The following CSNK1G3 variants were observed in gnomAD, a reference collection of about 807,000 sequenced individuals.
The protein encoded by CSNK1G3 is casein kinase 1 gamma 3.
In CSNK1G3, 23 loss-of-function variants were observed where a neutral mutation model predicts 64.3. The observed-to-expected ratio is 0.36, with a 90% CI of 0.26 to 0.51. The LOEUF (loss-of-function observed/expected upper bound fraction) is 0.51. CSNK1G3 is among the 20% of genes least tolerant of loss of function. CSNK1G3 has a pLI of 0.96. For synonymous variants in CSNK1G3, 158 were observed against 162.2 expected (o/e 0.97, Z 0.20); for missense variants, 357 against 510.5 (o/e 0.70, Z 2.90).
At chr5:123,533,287 C>T (rs1272240790) in intron 1 of CSNK1G3, among the ~76,000 whole-genome samples, 1 of 151,942 alleles carries the variant, frequency 6.6e-6, no homozygotes, top group Non-Finnish European at 1.5e-5. Flanking sequence ...ATTATTTTAA[C>T]ACTGTCAAGG....
chr5:123,542,921 G>GT (rs200938585), intron 1 of CSNK1G3, among the ~76,000 whole-genome samples: 101 of 130,284 alleles, frequency 7.8e-4, no homozygotes, highest in East Asian at 2.4e-3. Flanking sequence ...GCTATTATTC[G>GT]TTTTTTTTTT....
At chr5:123,611,204 A>G (rs914949675) in intron 12 of CSNK1G3, among the ~76,000 whole-genome samples, 2 of 152,140 alleles carry the variant, frequency 1.3e-5, no homozygotes, top group Admixed American at 6.5e-5. Flanking sequence ...TAAAACATCA[A>G]TTTACTTCCT....
rs182545980 is a variant in CSNK1G3 at position 123,614,022 on chromosome 5, G to A, written c.1218-320G>A. ...TATTGCCTTCCTAATGGCTTCAACA[G>A]TCACATATAAATATCAGGGAGAAAG... On this transcript the variant is annotated intron_variant, in intron 12 of 12. Transcript: ENST00000345990. Among the ~76,000 whole-genome samples the A allele has an allele frequency of 2.3e-4, 35 of 152,242 alleles. No homozygotes were observed. The East Asian group carries it at 6.4e-3, about 28-fold the overall frequency.
chr5:123,542,288 C>T (rs1206633789), intron 1 of CSNK1G3, among the ~76,000 whole-genome samples: 1 of 152,078 alleles, frequency 6.6e-6, no homozygotes, highest in Non-Finnish European at 1.5e-5. Flanking sequence ...AAAACAGTGT[C>T]GTTCCATTTA....
At chr5:123,608,060 G>C (rs553784993) in intron 12 of CSNK1G3, among the ~76,000 whole-genome samples, 3 of 152,126 alleles carry the variant, frequency 2.0e-5, no homozygotes, top group Admixed American at 1.3e-4. Flanking sequence ...CCCCCCAGTA[G>C]GTGGGACTAT....
chr5:123,601,767 C>A (rs190114237), intron 10 of CSNK1G3, among the ~76,000 whole-genome samples: 2 of 151,990 alleles, frequency 1.3e-5, no homozygotes, highest in South Asian at 4.2e-4. Context: ...GGTGGCATCC[C>A]GCTAGCTGTC....
intron 10 of CSNK1G3, among the ~76,000 whole-genome samples, chr5:123,600,952 G>A (rs1312833591): frequency 6.8e-6 from 1 of 147,816 alleles, no homozygotes; most frequent in East Asian, 2.0e-4. Flanking sequence ...TAAGTTTCCT[G>A]TCAAATTGGG....
At chr5:123,570,726 T>C (rs1787924898) in intron 4 of CSNK1G3, among the ~76,000 whole-genome samples, 1 of 152,210 alleles carries the variant, frequency 6.6e-6, no homozygotes, top group Non-Finnish European at 1.5e-5. Flanking sequence ...TAACAAGCTT[T>C]GATCTGGTTT....
At chr5:123,567,427 C>G (rs753050798) in intron 4 of CSNK1G3, among the ~76,000 whole-genome samples, 1 of 151,976 alleles carries the variant, frequency 6.6e-6, no homozygotes, top group Non-Finnish European at 1.5e-5. Context: ...ATAGGGAAAC[C>G]CTGTCTCTAC....
At chr5:123,607,000 TA>T (rs1313041461) in intron 12 of CSNK1G3, among the ~76,000 whole-genome samples, 1 of 152,170 alleles carries the variant, frequency 6.6e-6, no homozygotes. Flanking sequence ...GATCAGAGAA[TA>T]CTTGATGGAG....
intron 1 of CSNK1G3, among the ~76,000 whole-genome samples, chr5:123,538,771 C>T (rs185938034): frequency 1.3e-5 from 2 of 151,958 alleles, no homozygotes; most frequent in East Asian, 1.9e-4. Flanking sequence ...TCAGTTGCAG[C>T]GTATTTATAC....
At chr5:123,597,767 C>T (rs1793703711) in intron 10 of CSNK1G3, among the ~76,000 whole-genome samples, 1 of 152,112 alleles carries the variant, frequency 6.6e-6, no homozygotes, top group Admixed American at 6.6e-5. Context: ...GCTCTGCAGT[C>T]AGATTTGAGT....
At chr5:123,547,263 A>T (rs1782699608) in intron 2 of CSNK1G3, among the ~76,000 whole-genome samples, 1 of 152,114 alleles carries the variant, frequency 6.6e-6, no homozygotes, top group Non-Finnish European at 1.5e-5. Context: ...GGTTATTGTG[A>T]GGATTAAATT....
chr5:123,540,178 C>G (rs768426357), intron 1 of CSNK1G3, among the ~76,000 whole-genome samples: 8 of 151,930 alleles, frequency 5.3e-5, no homozygotes, highest in Non-Finnish European at 1.2e-4. Context: ...TCTGCTTTAT[C>G]CAGTTTGCCA....
chr5:123,564,685 A>C (rs1220138550), intron 4 of CSNK1G3, among the ~76,000 whole-genome samples: 1 of 152,120 alleles, frequency 6.6e-6, no homozygotes, highest in Admixed American at 6.6e-5. Flanking sequence ...ATGTTAGAAT[A>C]ATTTCTAAAT....
At chr5:123,529,061 T>G (rs1779510185) in intron 1 of CSNK1G3, among the ~76,000 whole-genome samples, 1 of 152,224 alleles carries the variant, frequency 6.6e-6, no homozygotes, top group African/African-American at 2.4e-5. Flanking sequence ...TTAGGGCTGA[T>G]GTGCTGCTGC....
At chr5:123,516,908 G>A (rs1410264158) in intron 1 of CSNK1G3, among the ~76,000 whole-genome samples, 1 of 152,134 alleles carries the variant, frequency 6.6e-6, no homozygotes, top group African/African-American at 2.4e-5. Flanking sequence ...TTACCTGGAA[G>A]TACTTTCTTC....
intron 5 of CSNK1G3, 59 bp from the exon 6 acceptor site, chr5:123,575,670 C>A: frequency 1.0e-6 from 1 of 994,248 alleles, no homozygotes; most frequent in Non-Finnish European, 1.6e-6. Flanking sequence ...CTTTATCATA[C>A]TTGCTTAGGC....
chr5:123,587,111 A>G (rs548993489), intron 6 of CSNK1G3, among the ~76,000 whole-genome samples: 15 of 152,344 alleles, frequency 9.8e-5, no homozygotes. Flanking sequence ...GAACACAACC[A>G]AACCATATCA....
Sources: gnomAD v4.1 joint callset for allele counts (sites outside exome capture counted in the v4.1 genomes callset) on GRCh38, gnomAD v4.1.1 for gene constraint, MANE v1.5 for transcripts, NCBI Gene and HGNC (gene_info 2026-07-23, HGNC 2026-07-21) for gene names.